The following GABPB2 variants were observed in gnomAD, a reference collection of about 807,000 sequenced individuals.
The protein encoded by GABPB2 is GA-binding protein subunit beta-2.
A neutral mutation model predicts 39.1 loss-of-function variants in GABPB2; 23 were observed. That is an observed-to-expected ratio of 0.59 (90% CI 0.42 to 0.83). GABPB2 has a LOEUF of 0.83. Ranked by LOEUF, GABPB2 falls within the 40% of genes least tolerant of loss-of-function variation. The probability of loss-of-function intolerance (pLI) is 0.00; values close to 1 mark genes in which losing one functional copy is unlikely to be tolerated. For missense variants in GABPB2, 467 were observed against 541.1 expected, an observed-to-expected ratio of 0.86 and a Z score of 1.36; for synonymous variants, 184 against 199.3, an observed-to-expected ratio of 0.92 and a Z score of 0.65.
intron 1 of GABPB2, among the ~76,000 whole-genome samples, chr1:151,085,466 A>C (rs969515064): frequency 6.6e-6 from 1 of 152,024 alleles, no homozygotes; most frequent in Admixed American, 6.6e-5. Flanking sequence ...TTTGAGACGG[A>C]GTCTCGCTCT....
intron 5 of GABPB2, among the ~76,000 whole-genome samples, chr1:151,101,935 G>A (rs1164490739): frequency 6.6e-6 from 1 of 152,194 alleles, no homozygotes; most frequent in Non-Finnish European, 1.5e-5. Flanking sequence ...AGGCATGTCT[G>A]TTGCCAGATC....
intron 1 of GABPB2, among the ~76,000 whole-genome samples, chr1:151,077,992 C>T (rs1003731584): frequency 1.3e-4 from 19 of 150,826 alleles, no homozygotes; most frequent in Non-Finnish European, 2.2e-4. Flanking sequence ...AAATAAAGGC[C>T]GGGCACGGTG....
intron 5 of GABPB2, among the ~76,000 whole-genome samples, chr1:151,100,580 CTTTTTTTTTT>C (rs35251516): frequency 6.4e-5 from 3 of 46,724 alleles, no homozygotes; most frequent in South Asian, 1.3e-3. Flanking sequence ...TGTGCCTGGC[CTTTTTTTTTT>C]TTTTTTTTTT....
chr1:151,106,318 TG>T (rs1679964043), intron 6 of GABPB2, among the ~76,000 whole-genome samples: 1 of 151,388 alleles, frequency 6.6e-6, no homozygotes, highest in Non-Finnish European at 1.5e-5. Flanking sequence ...TCAAATATGT[TG>T]GGGAAACAGC....
At chr1:151,103,254 T>G (rs1347701926) in intron 5 of GABPB2, among the ~76,000 whole-genome samples, 1 of 151,782 alleles carries the variant, frequency 6.6e-6, no homozygotes, top group Non-Finnish European at 1.5e-5. Context: ...TTTCACCATG[T>G]TAGCCAGGAT....
intron 6 of GABPB2, 83 bp downstream of exon 6, chr1:151,103,758 A>G: frequency 2.2e-6 from 2 of 890,006 alleles, no homozygotes; most frequent in Non-Finnish European, 3.6e-6. Flanking sequence ...TGCATGAAAT[A>G]TTATTAAAGA....
At chr1:151,102,023 T>C (rs1679565609) in intron 5 of GABPB2, among the ~76,000 whole-genome samples, 1 of 152,132 alleles carries the variant, frequency 6.6e-6, no homozygotes, top group East Asian at 1.9e-4. Flanking sequence ...ACAAAGTCTT[T>C]TTAAAAGTAC....
intron 7 of GABPB2, among the ~76,000 whole-genome samples, chr1:151,110,418 T>G (rs587606180): frequency 9.2e-5 from 14 of 152,088 alleles, no homozygotes; most frequent in Non-Finnish European, 1.9e-4. Flanking sequence ...AAATGAAAAC[T>G]GAGTTGTTTT....
At chr1:151,078,456 G>A (rs946178407) in intron 1 of GABPB2, among the ~76,000 whole-genome samples, 68 of 151,730 alleles carry the variant, frequency 4.5e-4, no homozygotes, top group Non-Finnish European at 8.8e-4. Flanking sequence ...AGCCGGGCAT[G>A]GTGGCGGGTG....
intron 1 of GABPB2, among the ~76,000 whole-genome samples, chr1:151,084,777 G>A (rs1042175750): frequency 2.7e-5 from 4 of 150,430 alleles, no homozygotes; most frequent in African/African-American, 7.3e-5. Flanking sequence ...CTTGTGATCC[G>A]CCCGCCTCTG....
At position 151,082,481 on chromosome 1, in the gene GABPB2, A is replaced by G. The variant is rs1486029401; in HGVS notation, c.1-5709A>G. 3.1e-5 allele frequency among the ~76,000 whole-genome samples: 4 copies of G among 127,894 alleles called. No individual in the cohort carries two copies. In the East Asian group the frequency reaches 7.2e-4, roughly 23 times the overall value. The allele number at this position is 127,894 out of a possible 152,430, so 83.9% of individuals were successfully genotyped here. ...TGGTAGCTCGATCTCGGCTCACTGC[A>G]GGCTCCGCCTCCTGGGTTCATGTGA... On this transcript the variant is annotated intron_variant, in intron 1 of 8. Transcript: ENST00000368918.
chr1:151,071,275 C>T (rs996333273), intron 1 of GABPB2, among the ~76,000 whole-genome samples: 20 of 152,080 alleles, frequency 1.3e-4, no homozygotes, highest in Non-Finnish European at 1.8e-4. Context: ...AGTTTGGCCC[C>T]CTGCCCCAAA....
At position 151,107,236 on chromosome 1, in the gene GABPB2, T is replaced by G; in HGVS notation, c.922+14T>G. 1 of 1,495,178 alleles carries G rather than the reference T, an allele frequency of 6.7e-7. No individual in the cohort carries two copies. Among genetic ancestry groups the G allele is most frequent in the Non-Finnish European group, 9.0e-7 (1 of 1,116,610 alleles). The allele number at this position is 1,495,178 out of a possible 1,614,324, so 92.6% of individuals were successfully genotyped here. A position where few individuals can be genotyped will look rare whatever the true frequency, so the allele number is the denominator to read the frequency against. ...ATGGACAGCAAGGTGAGTTATCTCT[T>G]GTAGACAATTGTTTATTAAAAGATA... On this transcript the variant is annotated intron_variant, in intron 7 of 8. Transcript: ENST00000368918.
intron 6 of GABPB2, among the ~76,000 whole-genome samples, chr1:151,104,804 T>TCTTTC: frequency 6.7e-6 from 1 of 150,194 alleles, no homozygotes; most frequent in South Asian, 2.1e-4. Flanking sequence ...TTTCTTTCTT[T>TCTTTC]TCTTTCTTTC....
Position 151,111,431 on chromosome 1 carries a change from CT to C in GABPB2, c.922+4218del, listed in dbSNP as rs587619358. ...CACTAATTTTTTTTTTCTTTTTTTT[CT>C]TTTTTTTTGAGACAGAGTCTCGCTC... On this transcript the variant is annotated intron_variant, in intron 7 of 8. Transcript: ENST00000368918. Among the ~76,000 whole-genome samples the C allele has an allele frequency of 3.0e-5, 4 of 131,590 alleles. No homozygotes were observed. In the Middle Eastern group the frequency reaches 0.012, roughly 398 times the overall value. The allele number at this position is 131,590 out of a possible 152,430, so 86.3% of individuals were successfully genotyped here.
At chr1:151,102,570 G>C (rs1679622357) in intron 5 of GABPB2, among the ~76,000 whole-genome samples, 1 of 152,006 alleles carries the variant, frequency 6.6e-6, no homozygotes, top group South Asian at 2.1e-4. Flanking sequence ...AGCCTCCTGA[G>C]TAGCTGGGAT....
At chr1:151,117,106 C>T (rs931445855) in intron 7 of GABPB2, among the ~76,000 whole-genome samples, 3 of 152,006 alleles carry the variant, frequency 2.0e-5, no homozygotes, top group Non-Finnish European at 2.9e-5. Context: ...CCTGTTGATT[C>T]GAAAATTCAA....
Position 151,080,848 on chromosome 1 carries a change from T to C in GABPB2, c.1-7342T>C, listed in dbSNP as rs587649758. ...TCCAGCCTGGGTAATAGAGGAAGACTATGTCTCACAAAAAAAAAATAAAAA... is the reference window on the plus strand; with the variant it reads ...TCCAGCCTGGGTAATAGAGGAAGACCATGTCTCACAAAAAAAAAATAAAAA... On this transcript the variant is annotated intron_variant, in intron 1 of 8. Coordinates refer to ENST00000368918, the MANE Select transcript of GABPB2 (RefSeq NM_144618.3). Among the ~76,000 whole-genome samples the C allele has an allele frequency of 1.9e-4, 27 of 144,708 alleles. No individual in the cohort carries two copies. In the East Asian group the frequency reaches 5.2e-3, roughly 28 times the overall value. 94.9% of individuals were successfully genotyped at this position (144,708 alleles called of 152,430 possible). A position where few individuals can be genotyped will look rare whatever the true frequency, so the allele number is the denominator to read the frequency against.
chr1:151,104,097 T>A (rs1679747949), intron 6 of GABPB2, among the ~76,000 whole-genome samples: 1 of 152,252 alleles, frequency 6.6e-6, no homozygotes, highest in African/African-American at 2.4e-5. Context: ...CGTTGTCATA[T>A]CCTTTGTACT....
Sources: allele counts gnomAD v4.1 joint callset (sites outside exome capture counted in the v4.1 genomes callset), GRCh38; gene constraint gnomAD v4.1.1; transcripts MANE v1.5; gene names NCBI Gene and HGNC (gene_info 2026-07-23, HGNC 2026-07-21).